PBX3: variants seen among roughly 807,000 people sequenced by gnomAD.
PBX3 encodes the protein pre-B-cell leukemia transcription factor 3.
PBX3 carries 14 observed loss-of-function variants against 48.5 expected under a neutral mutation model. The observed-to-expected ratio is 0.29, with a 90% CI of 0.19 to 0.45. The LOEUF (loss-of-function observed/expected upper bound fraction) is 0.45. Ranked by LOEUF, PBX3 falls within the 20% of genes least tolerant of loss-of-function variation. PBX3 has a pLI of 1.00. For missense variants in PBX3, 386 were observed against 546.7 expected (o/e 0.71, Z 2.93); for synonymous variants, 210 against 200.3 (o/e 1.05, Z -0.41).
intron 2 of PBX3, among the ~76,000 whole-genome samples, chr9:125,861,954 G>C (rs747462545): frequency 3.9e-5 from 6 of 152,186 alleles, no homozygotes; most frequent in Non-Finnish European, 8.8e-5. Flanking sequence ...TAGGTATATT[G>C]TATAATAAGT....
At chr9:125,769,921 C>G (rs1836899071) in intron 2 of PBX3, among the ~76,000 whole-genome samples, 2 of 152,008 alleles carry the variant, frequency 1.3e-5, no homozygotes, top group Non-Finnish European at 2.9e-5. Context: ...CTCTTAACCA[C>G]TTATTAATTT....
At chr9:125,829,652 G>C (rs1297175196) in intron 2 of PBX3, among the ~76,000 whole-genome samples, 1 of 152,048 alleles carries the variant, frequency 6.6e-6, no homozygotes. Flanking sequence ...TATTAGGCTT[G>C]TTATGTCAGC....
chr9:125,834,411 A>AT (rs1295029145), intron 2 of PBX3, among the ~76,000 whole-genome samples: 1 of 151,596 alleles, frequency 6.6e-6, no homozygotes, highest in African/African-American at 2.4e-5. Context: ...TTTTATTTTT[A>AT]TTTTTTTGAG....
At position 125,929,858 on chromosome 9, in the gene PBX3, A is replaced by G. The variant is rs535573379; in HGVS notation, c.707+13A>G. On this transcript the variant is annotated intron_variant, in intron 4 of 8. Transcript: ENST00000373489. Reference sequence around the variant, plus strand: ...TCCTTGATGCCAGGTATGTGAAGCCATAAATCTATTGCATGGCTTTCCCCC... The same window carrying G: ...TCCTTGATGCCAGGTATGTGAAGCCGTAAATCTATTGCATGGCTTTCCCCC... The G allele has an allele frequency of 1.4e-5, 22 of 1,593,222 alleles. No individual in the cohort carries two copies. The highest frequency in any genetic ancestry group is 1.7e-5 in the Admixed American group (1 of 59,748).
intron 5 of PBX3, among the ~76,000 whole-genome samples, chr9:125,941,381 A>G (rs1246119187): frequency 2.0e-5 from 3 of 152,224 alleles, no homozygotes; most frequent in Non-Finnish European, 4.4e-5. Flanking sequence ...GAGATGGGGA[A>G]CTGAGGAGTG....
intron 2 of PBX3, among the ~76,000 whole-genome samples, chr9:125,850,130 A>G (rs1327647322): frequency 6.6e-6 from 1 of 152,048 alleles, no homozygotes; most frequent in Non-Finnish European, 1.5e-5. Flanking sequence ...AATTAATGCT[A>G]CAGGAGGCAA....
chr9:125,904,909 G>T (rs980110567), intron 2 of PBX3, among the ~76,000 whole-genome samples: 1 of 151,858 alleles, frequency 6.6e-6, no homozygotes, highest in Non-Finnish European at 1.5e-5. Context: ...AAAGGTCCTG[G>T]AGCTTATCCA....
chr9:125,928,114 C>T (rs1477973608), intron 3 of PBX3, among the ~76,000 whole-genome samples: 6 of 150,002 alleles, frequency 4.0e-5, no homozygotes, highest in East Asian at 2.0e-4. Flanking sequence ...ACTCAGGAGG[C>T]GGAGGCTGCA....
intron 2 of PBX3, among the ~76,000 whole-genome samples, chr9:125,813,104 T>G (rs569131948): frequency 6.6e-6 from 1 of 152,334 alleles, no homozygotes; most frequent in East Asian, 1.9e-4. Context: ...TACTATAACC[T>G]TTTTACTATA....
At chr9:125,867,921 G>T (rs547224740) in intron 2 of PBX3, among the ~76,000 whole-genome samples, 1 of 151,622 alleles carries the variant, frequency 6.6e-6, no homozygotes, top group Non-Finnish European at 1.5e-5. Context: ...TGTTTCCCAG[G>T]CTGGAGTGCA....
intron 2 of PBX3, among the ~76,000 whole-genome samples, chr9:125,867,825 CAT>C (rs112380512): frequency 0.021 from 3,177 of 151,148 alleles, 41 homozygotes; most frequent in South Asian, 0.041. Context: ...TATACACATA[CAT>C]ATATATATAC....
At chr9:125,803,149 A>C (rs1373254035) in intron 2 of PBX3, among the ~76,000 whole-genome samples, 1 of 135,474 alleles carries the variant, frequency 7.4e-6, no homozygotes, top group African/African-American at 2.9e-5. Flanking sequence ...GCTGGAGTGC[A>C]GTGGTGCGAT....
chr9:125,965,593 C>T (rs146747151), intron 8 of PBX3, among the ~76,000 whole-genome samples: 299 of 152,288 alleles, frequency 2.0e-3, no homozygotes, highest in Non-Finnish European at 3.5e-3. Flanking sequence ...GCATGGGCCT[C>T]GCTGAAGCCC....
At chr9:125,879,077 C>CTTTTTTTTTTTTTTTTTTTTTTTTTTT (rs36094728) in intron 2 of PBX3, among the ~76,000 whole-genome samples, 1 of 124,628 alleles carries the variant, frequency 8.0e-6, no homozygotes, top group Non-Finnish European at 1.6e-5. Flanking sequence ...ACATGCTATT[C>CTTTTTTTTTTTTTTTTTTTTTTTTTTT]TTTTTTTTTT....
intron 2 of PBX3, among the ~76,000 whole-genome samples, chr9:125,829,034 AGAGG>A (rs1221458671): frequency 6.6e-6 from 1 of 152,224 alleles, no homozygotes; most frequent in Non-Finnish European, 1.5e-5. Flanking sequence ...TATTGAAAGA[AGAGG>A]GAGACAGACA....
At position 125,870,105 on chromosome 9, in the gene PBX3, T is replaced by TATCTCAGCTCACTGAGACAGTAGCACG. The variant is rs1199469780; in HGVS notation, c.275-45570_275-45544dup. On this transcript the variant is annotated intron_variant, in intron 2 of 8. Coordinates refer to ENST00000373489, the MANE Select transcript of PBX3 (RefSeq NM_006195.6). Reference sequence around the variant, plus strand: ...TCTCAGCTCACTGAGACAGTAGCACTATCTCAGCTCACTGAGACAGTAGCA... The same window carrying TATCTCAGCTCACTGAGACAGTAGCACG: ...TCTCAGCTCACTGAGACAGTAGCACTATCTCAGCTCACTGAGACAGTAGCACGATCTCAGCTCACTGAGACAGTAGCA... 3.2e-3 allele frequency among the ~76,000 whole-genome samples: 467 copies of TATCTCAGCTCACTGAGACAGTAGCACG among 145,416 alleles called. 1 individual carries two copies. Among genetic ancestry groups the TATCTCAGCTCACTGAGACAGTAGCACG allele is most frequent in the African/African-American group, 0.011 (439 of 40,656 alleles).
rs1466035085 is a variant in PBX3 at position 125,759,486 on chromosome 9, T to C, written c.274+10863T>C. Among the ~76,000 whole-genome samples the C allele has an allele frequency of 3.9e-5, 6 of 152,096 alleles. No homozygotes were observed. The highest frequency in any genetic ancestry group is 8.8e-5 in the Non-Finnish European group (6 of 68,020). ...TTATCATATCATCCCCTACTCCTCA[T>C]GCAAGCAAAAAAGGAGAAGTTGTCA... On this transcript the variant is annotated intron_variant, in intron 2 of 8. Coordinates refer to ENST00000373489, the MANE Select transcript of PBX3 (RefSeq NM_006195.6). The surrounding 1 kb of genome is among the most constrained non-coding windows in gnomAD (Gnocchi z 4.2).
intron 2 of PBX3, among the ~76,000 whole-genome samples, chr9:125,860,470 G>A (rs1440301896): frequency 2.0e-5 from 3 of 152,206 alleles, no homozygotes; most frequent in African/African-American, 7.2e-5. Context: ...GTGCTGCAGT[G>A]ATTGTATTTG....
At chr9:125,843,989 G>A (rs1047075591) in intron 2 of PBX3, among the ~76,000 whole-genome samples, 2 of 151,898 alleles carry the variant, frequency 1.3e-5, no homozygotes, top group African/African-American at 4.8e-5. Flanking sequence ...AATCTGCAGT[G>A]GTGAAGGTTT....
Sources: allele counts gnomAD v4.1 joint callset (sites outside exome capture counted in the v4.1 genomes callset), GRCh38; gene constraint gnomAD v4.1.1; non-coding constraint Gnocchi (gnomAD v3.1); transcripts MANE v1.5; gene names NCBI Gene and HGNC (gene_info 2026-07-23, HGNC 2026-07-21).